SLC24A3: variants seen among roughly 807,000 people sequenced by gnomAD.
SLC24A3 encodes the protein sodium/potassium/calcium exchanger 3.
Under a neutral mutation model 75.8 loss-of-function variants are expected in SLC24A3, and 28 were observed. The ratio of observed to expected loss-of-function variants is 0.37; its 90% CI spans 0.27 to 0.51. The LOEUF (loss-of-function observed/expected upper bound fraction) is 0.51. SLC24A3 is among the 20% of genes least tolerant of loss of function. The probability of loss-of-function intolerance (pLI) is 0.94; values close to 1 mark genes in which losing one functional copy is unlikely to be tolerated. For synonymous variants in SLC24A3, 372 were observed against 334.1 expected, an observed-to-expected ratio of 1.11 and a Z score of -1.24; for missense variants, 663 against 847.8, an observed-to-expected ratio of 0.78 and a Z score of 2.71.
At chr20:19,457,361 A>G (rs1987596299) in intron 2 of SLC24A3, among the ~76,000 whole-genome samples, 1 of 152,246 alleles carries the variant, frequency 6.6e-6, no homozygotes, top group Non-Finnish European at 1.5e-5. Context: ...GTCATTTTCA[A>G]GGAACATTTT....
chr20:19,455,322 C>T (rs185207877), intron 2 of SLC24A3, among the ~76,000 whole-genome samples: 23 of 152,288 alleles, frequency 1.5e-4, no homozygotes, highest in African/African-American at 5.5e-4. Flanking sequence ...TATTTCTTAT[C>T]ATCACTATTA....
chr20:19,634,423 T>C (rs116999105), intron 6 of SLC24A3, among the ~76,000 whole-genome samples: 3 of 152,250 alleles, frequency 2.0e-5, no homozygotes, highest in Non-Finnish European at 2.9e-5. Flanking sequence ...TTAAAATATA[T>C]AGATCCAAAG....
intron 2 of SLC24A3, among the ~76,000 whole-genome samples, chr20:19,380,931 C>T (rs1256238069): frequency 2.0e-5 from 3 of 152,166 alleles, no homozygotes; most frequent in African/African-American, 4.8e-5. Context: ...TGGGGAATGA[C>T]TTCTGACCCT....
At chr20:19,513,059 A>C (rs1018526348) in intron 2 of SLC24A3, among the ~76,000 whole-genome samples, 11 of 152,214 alleles carry the variant, frequency 7.2e-5, no homozygotes, top group Non-Finnish European at 1.5e-4. Context: ...TTTCAACCCT[A>C]GGACTGGCCA....
chr20:19,609,663 C>T (rs975693156), intron 6 of SLC24A3, among the ~76,000 whole-genome samples: 4 of 152,154 alleles, frequency 2.6e-5, no homozygotes, highest in African/African-American at 9.7e-5. Context: ...ACATTAGGTT[C>T]ACATGTTTTG....
chr20:19,243,324 C>T (rs758941260), intron 1 of SLC24A3, among the ~76,000 whole-genome samples: 120 of 152,232 alleles, frequency 7.9e-4, no homozygotes, highest in African/African-American at 2.1e-3. Context: ...ACAACTGTTA[C>T]GGGGTGGGCT....
chr20:19,457,938 T>A (rs764546), intron 2 of SLC24A3, among the ~76,000 whole-genome samples: 1 of 151,960 alleles, frequency 6.6e-6, no homozygotes, highest in African/African-American at 2.4e-5. Context: ...TGGCCCCAGG[T>A]GAATCACAGA....
chr20:19,563,160 A>C (rs2122612987), intron 3 of SLC24A3, among the ~76,000 whole-genome samples: 1 of 152,250 alleles, frequency 6.6e-6, no homozygotes, highest in South Asian at 2.1e-4. Flanking sequence ...CATCCCCTCT[A>C]CCTGAAGGAT....
intron 6 of SLC24A3, among the ~76,000 whole-genome samples, chr20:19,591,468 C>G (rs1205494549): frequency 6.6e-6 from 1 of 150,588 alleles, no homozygotes; most frequent in Non-Finnish European, 1.5e-5. Flanking sequence ...TATCTCTAAT[C>G]TCCTCTGTTT....
intron 2 of SLC24A3, among the ~76,000 whole-genome samples, chr20:19,458,359 TAAA>T (rs1987614826): frequency 6.6e-6 from 1 of 152,230 alleles, no homozygotes; most frequent in Non-Finnish European, 1.5e-5. Context: ...ACTTGGTTTT[TAAA>T]ATTGTCGTAA....
intron 1 of SLC24A3, chr20:19,261,961 A>C (rs897582984): frequency 4.6e-5 from 7 of 152,238 alleles, no homozygotes; most frequent in African/African-American, 1.7e-4. Context: ...GTGTCAAGGC[A>C]GGTAGGATCA....
intron 2 of SLC24A3, among the ~76,000 whole-genome samples, chr20:19,343,085 G>A (rs2024616): frequency 0.5 from 66,524 of 133,790 alleles, 19,071 homozygotes; most frequent in African/African-American, 0.76. Context: ...AAAAAAAAAA[G>A]AAAAAAGAAA....
intron 2 of SLC24A3, among the ~76,000 whole-genome samples, chr20:19,306,662 G>GA (rs1396888833): frequency 6.6e-6 from 1 of 151,982 alleles, no homozygotes; most frequent in African/African-American, 2.4e-5. Context: ...GGTACACATG[G>GA]ACATAAAGAT....
At position 19,261,505 on chromosome 20, in the gene SLC24A3, AT is replaced by A. The variant is rs201320795; in HGVS notation, c.143-19445del. ...CAGGTGTGCATCACCACATTCAGCT[AT>A]TTTTTTTTAATGATTTTTTTTTTGT... On this transcript the variant is annotated intron_variant, in intron 1 of 16. Transcript: ENST00000328041. 4.4e-3 allele frequency among the ~76,000 whole-genome samples: 656 copies of A among 149,914 alleles called. 10 individuals are homozygous for A. Among genetic ancestry groups the A allele is most frequent in the African/African-American group, 0.015 (616 of 40,734 alleles).
At chr20:19,665,203 G>A (rs754154109) in intron 7 of SLC24A3, among the ~76,000 whole-genome samples, 8 of 152,130 alleles carry the variant, frequency 5.3e-5, no homozygotes, top group Non-Finnish European at 7.3e-5. Flanking sequence ...TTAGTGAAAG[G>A]GCAGGACCAT....
chr20:19,226,158 T>A (rs1195600615), intron 1 of SLC24A3, among the ~76,000 whole-genome samples: 1 of 152,198 alleles, frequency 6.6e-6, no homozygotes, highest in African/African-American at 2.4e-5. Flanking sequence ...ATGTTTTTCA[T>A]GTATCAATTG....
intron 2 of SLC24A3, among the ~76,000 whole-genome samples, chr20:19,459,467 C>T (rs1987634538): frequency 6.6e-6 from 1 of 152,130 alleles, no homozygotes; most frequent in African/African-American, 2.4e-5. Context: ...GGAACAGGAA[C>T]TTGGACATGT....
intron 2 of SLC24A3, among the ~76,000 whole-genome samples, chr20:19,414,490 G>C (rs775274841): frequency 1.3e-5 from 2 of 152,158 alleles, no homozygotes; most frequent in Non-Finnish European, 1.5e-5. Context: ...TGTGTGTAAA[G>C]AGTTTGTGTG....
At chr20:19,520,753 T>A (rs2030084679) in intron 3 of SLC24A3, among the ~76,000 whole-genome samples, 1 of 152,192 alleles carries the variant, frequency 6.6e-6, no homozygotes, top group South Asian at 2.1e-4. Flanking sequence ...CTGTCCGCAC[T>A]TCTTTCTTCC....
Sources: allele counts gnomAD v4.1 joint callset (sites outside exome capture counted in the v4.1 genomes callset), GRCh38; gene constraint gnomAD v4.1.1; transcripts MANE v1.5; gene names NCBI Gene and HGNC (gene_info 2026-07-23, HGNC 2026-07-21).